CNTN4: variants seen among roughly 807,000 people sequenced by gnomAD.
CNTN4 encodes the protein contactin-4.
Under a neutral mutation model 122.5 loss-of-function variants are expected in CNTN4, and 77 were observed. The observed-to-expected ratio is 0.63, with a 90% CI of 0.52 to 0.76. The LOEUF (loss-of-function observed/expected upper bound fraction) is 0.76, where lower values mean the gene tolerates loss of function less well. Ranked by LOEUF, CNTN4 falls within the 30% of genes least tolerant of loss-of-function variation. The probability of loss-of-function intolerance (pLI) is 0.00; values close to 1 mark genes in which losing one functional copy is unlikely to be tolerated. For missense variants in CNTN4, 1,256 were observed against 1,259.1 expected (o/e 1.00, Z 0.04); for synonymous variants, 512 against 447.0 (o/e 1.15, Z -1.83).
intron 2 of CNTN4, among the ~76,000 whole-genome samples, chr3:2,101,509 GTC>G (rs1463368915): frequency 6.6e-6 from 1 of 152,046 alleles, no homozygotes; most frequent in African/African-American, 2.4e-5. Context: ...AGTTGAATAA[GTC>G]TATTTCATAT....
chr3:2,599,944 A>T (rs779198206), intron 4 of CNTN4, among the ~76,000 whole-genome samples: 2 of 148,786 alleles, frequency 1.3e-5, no homozygotes, highest in Non-Finnish European at 3.0e-5. Flanking sequence ...TCCTCAAGTG[A>T]CAAAAATGTT....
intron 3 of CNTN4, among the ~76,000 whole-genome samples, chr3:2,476,047 G>T (rs1243790170): frequency 6.6e-6 from 1 of 152,218 alleles, no homozygotes; most frequent in Non-Finnish European, 1.5e-5. Flanking sequence ...GGTCTGAGAA[G>T]CAGTCTAAAT....
At chr3:2,260,503 C>A (rs907476623) in intron 2 of CNTN4, among the ~76,000 whole-genome samples, 1 of 151,900 alleles carries the variant, frequency 6.6e-6, no homozygotes, top group Non-Finnish European at 1.5e-5. Flanking sequence ...ATCATTGTGG[C>A]AGATGAGGTA....
intron 2 of CNTN4, among the ~76,000 whole-genome samples, chr3:2,144,529 G>A (rs1397817905): frequency 6.6e-6 from 1 of 152,140 alleles, no homozygotes; most frequent in Non-Finnish European, 1.5e-5. Context: ...GGGGTTCAGG[G>A]ATGGGTGGCA....
chr3:2,545,721 A>G (rs1463803660), intron 3 of CNTN4, among the ~76,000 whole-genome samples: 1 of 150,724 alleles, frequency 6.6e-6, no homozygotes, highest in Non-Finnish European at 1.5e-5. Flanking sequence ...TTTGCTTGGT[A>G]GATATTCTTC....
At chr3:2,911,838 C>A (rs1223434634) in intron 12 of CNTN4, among the ~76,000 whole-genome samples, 1 of 151,944 alleles carries the variant, frequency 6.6e-6, no homozygotes, top group South Asian at 2.1e-4. Flanking sequence ...CTTGACCAGA[C>A]AGAAAAAAAT....
intron 6 of CNTN4, among the ~76,000 whole-genome samples, chr3:2,804,245 T>G (rs2092414112): frequency 6.6e-6 from 1 of 152,134 alleles, no homozygotes; most frequent in Non-Finnish European, 1.5e-5. Flanking sequence ...GGTGTGCACT[T>G]TAGTATTCTT....
At chr3:2,500,383 C>T (rs2076564747) in intron 3 of CNTN4, among the ~76,000 whole-genome samples, 1 of 151,964 alleles carries the variant, frequency 6.6e-6, no homozygotes, top group Non-Finnish European at 1.5e-5. Flanking sequence ...CTTCTAAGAT[C>T]ATCATTCTTT....
At chr3:2,705,241 G>A (rs986468759) in intron 4 of CNTN4, among the ~76,000 whole-genome samples, 107 of 148,566 alleles carry the variant, frequency 7.2e-4, no homozygotes, top group Middle Eastern at 3.5e-3. Context: ...AGTGGCGGGC[G>A]CCTGTAGTCC....
At chr3:2,636,564 T>G (rs1042404501) in intron 4 of CNTN4, among the ~76,000 whole-genome samples, 7 of 152,234 alleles carry the variant, frequency 4.6e-5, no homozygotes, top group Non-Finnish European at 7.3e-5. Context: ...ATGCATTTTT[T>G]TATTGGATAA....
intron 2 of CNTN4, among the ~76,000 whole-genome samples, chr3:2,234,506 G>A (rs575414547): frequency 4.0e-5 from 6 of 151,624 alleles, no homozygotes; most frequent in African/African-American, 1.5e-4. Flanking sequence ...CTTTATTCCT[G>A]ACACTGGACC....
chr3:2,282,290 G>A (rs2041745029), intron 2 of CNTN4, among the ~76,000 whole-genome samples: 1 of 151,944 alleles, frequency 6.6e-6, no homozygotes, highest in Non-Finnish European at 1.5e-5. Context: ...GGTTTATTTT[G>A]ATTGGTCGTA....
intron 6 of CNTN4, among the ~76,000 whole-genome samples, chr3:2,777,233 T>C (rs982926498): frequency 6.6e-6 from 1 of 152,154 alleles, no homozygotes; most frequent in Non-Finnish European, 1.5e-5. Context: ...GTATAACCCA[T>C]GATTAATACC....
chr3:2,714,324 A>G (rs2087344974), intron 4 of CNTN4, among the ~76,000 whole-genome samples: 1 of 152,194 alleles, frequency 6.6e-6, no homozygotes, highest in Non-Finnish European at 1.5e-5. Flanking sequence ...TTAAATTCAG[A>G]CATGTATGAT....
intron 2 of CNTN4, among the ~76,000 whole-genome samples, chr3:2,200,722 T>C (rs962496105): frequency 2.0e-5 from 3 of 152,182 alleles, no homozygotes; most frequent in African/African-American, 7.2e-5. Flanking sequence ...TTTTACAGTG[T>C]CTGTTGGGGT....
rs1055540663 is a variant in CNTN4 at position 3,057,372 on chromosome 3, A to G, written c.*1152A>G. ...GGTTTCTTGATGATTCTGTTTTGCAATAGGTAGCCTAGTTGCTTTATATGC... is the reference window on the plus strand; with the variant it reads ...GGTTTCTTGATGATTCTGTTTTGCAGTAGGTAGCCTAGTTGCTTTATATGC... On this transcript the variant is annotated 3_prime_UTR_variant, in exon 25 of 25. Transcript: ENST00000418658. The G allele has an allele frequency of 3.9e-5, 6 of 152,764 alleles. No individual in the cohort carries two copies. Among genetic ancestry groups the G allele is most frequent in the Middle Eastern group, 3.4e-3 (1 of 294 alleles). 9.5% of individuals were successfully genotyped at this position (152,764 alleles called of 1,614,324 possible). A position where few individuals can be genotyped will look rare whatever the true frequency, so the allele number is the denominator to read the frequency against.
At chr3:3,014,879 G>GTTTT (rs5846238) in intron 14 of CNTN4, among the ~76,000 whole-genome samples, 5 of 121,544 alleles carry the variant, frequency 4.1e-5, no homozygotes, top group Non-Finnish European at 6.7e-5. Flanking sequence ...CCCTCGATTG[G>GTTTT]TTTTTTTTTT....
At chr3:2,789,338 T>A (rs1357041178) in intron 6 of CNTN4, among the ~76,000 whole-genome samples, 1 of 152,200 alleles carries the variant, frequency 6.6e-6, no homozygotes, top group African/African-American at 2.4e-5. Context: ...AGTGTGGAAT[T>A]ATGTTTAGTT....
intron 14 of CNTN4, among the ~76,000 whole-genome samples, chr3:3,019,833 C>G (rs1321584894): frequency 6.8e-6 from 1 of 147,536 alleles, no homozygotes; most frequent in Non-Finnish European, 1.5e-5. Flanking sequence ...TATATTTACA[C>G]ACATATATTG....
Sources: gnomAD v4.1 joint callset for allele counts (sites outside exome capture counted in the v4.1 genomes callset) on GRCh38, gnomAD v4.1.1 for gene constraint, MANE v1.5 for transcripts, NCBI Gene and HGNC (gene_info 2026-07-23, HGNC 2026-07-21) for gene names.